EGFR: variants seen among roughly 807,000 people sequenced by gnomAD.
EGFR encodes avian erythroblastic leukemia viral (v-erb-b) oncogene homolog.
In EGFR, 58 loss-of-function variants were observed where a neutral mutation model predicts 143.0. That is an observed-to-expected ratio of 0.41 (90% CI 0.33 to 0.50). EGFR has a LOEUF of 0.50. EGFR is among the 20% of genes least tolerant of loss of function. The pLI is 0.39. For missense variants in EGFR, 1,307 were observed against 1,579.0 expected, an observed-to-expected ratio of 0.83 and a Z score of 2.92; for synonymous variants, 613 against 594.4, an observed-to-expected ratio of 1.03 and a Z score of -0.45.
chr7:55,161,220 C>CGGGTGCCA, intron 12 of EGFR, among the ~76,000 whole-genome samples: 1 of 152,346 alleles, frequency 6.6e-6, no homozygotes, highest in African/African-American at 2.4e-5. Context: ...CACCCCCTCT[C>CGGGTGCCA]GGGTGCCAGG....
intron 22 of EGFR, among the ~76,000 whole-genome samples, chr7:55,194,837 G>A (rs926212697): frequency 6.6e-6 from 1 of 152,208 alleles, no homozygotes; most frequent in African/African-American, 2.4e-5. Context: ...TATAATCACT[G>A]GCCTAGGCAG....
At chr7:55,128,658 A>C (rs1460290532) in intron 1 of EGFR, among the ~76,000 whole-genome samples, 1 of 152,216 alleles carries the variant, frequency 6.6e-6, no homozygotes, top group Non-Finnish European at 1.5e-5. Context: ...AGAAGACTCC[A>C]TGTTTTTGGA....
intron 7 of EGFR, among the ~76,000 whole-genome samples, chr7:55,154,856 T>C (rs1785331520): frequency 6.6e-6 from 1 of 151,792 alleles, no homozygotes; most frequent in South Asian, 2.1e-4. Flanking sequence ...AAAGAACAAT[T>C]ATGAGGGGGA....
chr7:55,114,317 G>T (rs1792698191), intron 1 of EGFR, among the ~76,000 whole-genome samples: 3 of 152,086 alleles, frequency 2.0e-5, no homozygotes, highest in Admixed American at 2.0e-4. Context: ...AAGGCAGGAG[G>T]ATCACTTGAG....
intron 20 of EGFR, among the ~76,000 whole-genome samples, chr7:55,187,180 C>T (rs1180553318): frequency 6.6e-6 from 1 of 152,146 alleles, no homozygotes; most frequent in East Asian, 1.9e-4. Context: ...AGCCTCATCA[C>T]AAAGGCAAGA....
chr7:55,020,220 C>G (rs1786462948), intron 1 of EGFR, among the ~76,000 whole-genome samples: 1 of 152,208 alleles, frequency 6.6e-6, no homozygotes, highest in South Asian at 2.1e-4. Flanking sequence ...CCCCCCACCT[C>G]CCGGGGACCC....
At chr7:55,122,530 C>A (rs773333314) in intron 1 of EGFR, among the ~76,000 whole-genome samples, 1 of 152,232 alleles carries the variant, frequency 6.6e-6, no homozygotes, top group Non-Finnish European at 1.5e-5. Flanking sequence ...TTCTGAGCTC[C>A]GCTCACTTTT....
intron 1 of EGFR, among the ~76,000 whole-genome samples, chr7:55,104,069 G>A (rs571221314): frequency 7.0e-4 from 107 of 152,302 alleles, no homozygotes; most frequent in South Asian, 4.1e-4. Context: ...TATAAAGGGC[G>A]TGTGCCTGTT....
intron 1 of EGFR, among the ~76,000 whole-genome samples, chr7:55,041,410 C>CA (rs577381937): frequency 3.1e-4 from 45 of 145,158 alleles, no homozygotes; most frequent in South Asian, 1.1e-3. Context: ...CACTCCATCG[C>CA]AAAAAAAAAA....
At chr7:55,054,049 G>T (rs1788645836) in intron 1 of EGFR, among the ~76,000 whole-genome samples, 1 of 151,272 alleles carries the variant, frequency 6.6e-6, no homozygotes, top group Non-Finnish European at 1.5e-5. Context: ...GTTAACAATG[G>T]CTGAGCGTGG....
chr7:55,146,639 A>G lies in EGFR; in HGVS notation c.458A>G (p.Asn153Ser). 6.2e-7 allele frequency: 1 copy of G among 1,613,898 alleles called. No homozygotes were observed. Among genetic ancestry groups the G allele is most frequent in the Non-Finnish European group, 8.5e-7 (1 of 1,179,892 alleles). The part of the protein sequence containing the change: ...ILHGAVRFSN[N>S]PALCNVESIQ... ...CATGGCGCCGTGCGGTTCAGCAACAACCCTGCCCTGTGCAACGTGGAGAGC... is the reference window on the plus strand; with the variant it reads ...CATGGCGCCGTGCGGTTCAGCAACAGCCCTGCCCTGTGCAACGTGGAGAGC... The change falls in exon 4 of 28, where the codon AAC becomes AGC. Residue 153 changes from asparagine (N) to serine (S), a missense_variant. Physicochemically the swap from Asn to Ser is conservative, Grantham distance 46. This residue lies in a region of EGFR where 311 missense variants were observed against 412.3 expected (regional missense o/e 0.75). Transcript: ENST00000275493.
At chr7:55,112,096 G>A (rs1376883432) in intron 1 of EGFR, among the ~76,000 whole-genome samples, 1 of 152,192 alleles carries the variant, frequency 6.6e-6, no homozygotes, top group Non-Finnish European at 1.5e-5. Flanking sequence ...TGACCCACAG[G>A]ACTCACCGGA....
intron 22 of EGFR, 76 bp downstream of exon 22, chr7:55,192,917 A>G (rs1787464391): frequency 8.3e-7 from 1 of 1,207,024 alleles, no homozygotes; most frequent in Non-Finnish European, 1.2e-6. Flanking sequence ...TTTACATTAT[A>G]TCCTCTGACA....
chr7:55,073,506 C>T (rs149153924), intron 1 of EGFR, among the ~76,000 whole-genome samples: 35 of 152,320 alleles, frequency 2.3e-4, no homozygotes, highest in Non-Finnish European at 3.7e-4. Context: ...ACTCCCTAGC[C>T]AGGACTTTGA....
intron 27 of EGFR, among the ~76,000 whole-genome samples, chr7:55,203,511 A>G (rs1295658415): frequency 6.7e-6 from 1 of 148,982 alleles, no homozygotes; most frequent in Non-Finnish European, 1.5e-5. Flanking sequence ...TACACTACAC[A>G]CACCATTACA....
intron 1 of EGFR, among the ~76,000 whole-genome samples, chr7:55,133,842 G>T (rs941290247): frequency 1.3e-5 from 2 of 152,236 alleles, no homozygotes; most frequent in Non-Finnish European, 2.9e-5. Context: ...GAGGCACAGA[G>T]TGCAAGCACC....
At chr7:55,119,605 A>G (rs1031368886) in intron 1 of EGFR, among the ~76,000 whole-genome samples, 1 of 152,240 alleles carries the variant, frequency 6.6e-6, no homozygotes, top group Non-Finnish European at 1.5e-5. Context: ...AAATGTTCAA[A>G]AAAAGGTATC....
chr7:55,131,076 C>A (rs540128315), intron 1 of EGFR, among the ~76,000 whole-genome samples: 1 of 152,306 alleles, frequency 6.6e-6, no homozygotes, highest in African/African-American at 2.4e-5. Flanking sequence ...CCTCTCACTT[C>A]CCTCCCAGGA....
Position 55,103,984 on chromosome 7 carries a change from G to T in EGFR, c.89-38302G>T, listed in dbSNP as rs139527471. On this transcript the variant is annotated intron_variant, in intron 1 of 27. Coordinates refer to ENST00000275493, the MANE Select transcript of EGFR (RefSeq NM_005228.5). ...CATTTTTATTTTTCCATGCCAGAAG[G>T]GTAGAAGTTCCTGTGCTCATATTAA... is the stretch of plus-strand genomic sequence containing the variant. 2.6e-5 allele frequency among the ~76,000 whole-genome samples: 4 copies of T among 152,248 alleles called. No individual in the cohort carries two copies. In the East Asian group the frequency reaches 7.7e-4, roughly 29 times the overall value.
Sources: gnomAD v4.1 joint callset for allele counts (sites outside exome capture counted in the v4.1 genomes callset) on GRCh38, gnomAD v4.1.1 for gene constraint, gnomAD v4.1.1 regional missense constraint, MANE v1.5 for transcripts, NCBI Gene and HGNC (gene_info 2026-07-23, HGNC 2026-07-21) for gene names.